The following DLG2 variants were observed in gnomAD, a reference collection of about 807,000 sequenced individuals.
The protein encoded by DLG2 is disks large homolog 2.
DLG2 carries 45 observed loss-of-function variants against 132.5 expected under a neutral mutation model. The ratio of observed to expected loss-of-function variants is 0.34; its 90% CI spans 0.27 to 0.44. DLG2 has a LOEUF of 0.44. DLG2 is among the 20% of genes least tolerant of loss of function. DLG2 has a pLI of 1.00. For synonymous variants in DLG2, 424 were observed against 419.6 expected (o/e 1.01, Z -0.13); for missense variants, 1,045 against 1,196.9 (o/e 0.87, Z 1.87).
chr11:84,058,297 A>G (rs1355735387), intron 11 of DLG2, among the ~76,000 whole-genome samples: 2 of 152,020 alleles, frequency 1.3e-5, no homozygotes, highest in African/African-American at 4.8e-5. Flanking sequence ...CCAAAACATT[A>G]AATACTATTA....
At chr11:85,161,393 G>A (rs1480670637) in intron 4 of DLG2, among the ~76,000 whole-genome samples, 3 of 152,152 alleles carry the variant, frequency 2.0e-5, no homozygotes, top group African/African-American at 7.2e-5. Context: ...CAATTTGCCA[G>A]CAGCAGAGAC....
rs916601657 is a variant in DLG2 at position 83,753,864 on chromosome 11, T to A, written c.1825+32826A>T. 3.2e-3 allele frequency among the ~76,000 whole-genome samples: 34 copies of A among 10,594 alleles called. No homozygotes were observed. In the African/African-American group the frequency reaches 0.036, roughly 11 times the overall value. The allele number at this position is 10,594 out of a possible 152,430, so 7.0% of individuals were successfully genotyped here. ...TATATCATATATATCATATATATAT[T>A]TCATATATATGATATATATCATATA... On this transcript the variant is annotated intron_variant, in intron 18 of 27. Coordinates refer to ENST00000376104, the MANE Select transcript of DLG2 (RefSeq NM_001142699.3).
intron 7 of DLG2, among the ~76,000 whole-genome samples, chr11:84,452,985 T>C (rs971052789): frequency 2.0e-5 from 3 of 151,654 alleles, no homozygotes; most frequent in Non-Finnish European, 4.4e-5. Context: ...ATTATAGGTA[T>C]TCCAATCACC....
At chr11:85,077,949 G>A (rs975761048) in intron 6 of DLG2, among the ~76,000 whole-genome samples, 4 of 127,536 alleles carry the variant, frequency 3.1e-5, no homozygotes, top group Non-Finnish European at 7.0e-5. Context: ...CCAAGAAGCT[G>A]TAAATGCTAA....
chr11:85,369,526 T>G (rs147248523), intron 3 of DLG2, among the ~76,000 whole-genome samples: 1 of 152,294 alleles, frequency 6.6e-6, no homozygotes, highest in Non-Finnish European at 1.5e-5. Flanking sequence ...CTATCACTGT[T>G]TGTACTCTCT....
chr11:84,859,363 TGTATATATAC>T, intron 6 of DLG2, among the ~76,000 whole-genome samples: 1 of 146,244 alleles, frequency 6.8e-6, no homozygotes, highest in East Asian at 2.0e-4. Flanking sequence ...TAAACATATA[TGTATATATAC>T]ACATATATAT....
intron 6 of DLG2, among the ~76,000 whole-genome samples, chr11:84,537,528 C>A (rs1207864277): frequency 6.6e-6 from 1 of 152,044 alleles, no homozygotes; most frequent in Non-Finnish European, 1.5e-5. Context: ...AAAATTTTGA[C>A]CATTTTAACC....
chr11:84,338,267 G>A (rs1421245565), intron 7 of DLG2, among the ~76,000 whole-genome samples: 1 of 151,992 alleles, frequency 6.6e-6, no homozygotes, highest in Non-Finnish European at 1.5e-5. Context: ...AACATCTACC[G>A]AGATTCCAAC....
At chr11:83,656,867 T>C (rs958334151) in intron 18 of DLG2, among the ~76,000 whole-genome samples, 2 of 152,122 alleles carry the variant, frequency 1.3e-5, no homozygotes, top group Admixed American at 6.5e-5. Flanking sequence ...GAGGCCAACA[T>C]CTCCCTTTCC....
At chr11:83,708,805 G>C (rs143915894) in intron 18 of DLG2, among the ~76,000 whole-genome samples, 44 of 152,158 alleles carry the variant, frequency 2.9e-4, no homozygotes, top group East Asian at 2.7e-3. Flanking sequence ...AAGAAACTGG[G>C]GGATAGAAGA....
At chr11:84,070,682 T>C (rs963385199) in intron 10 of DLG2, among the ~76,000 whole-genome samples, 1 of 152,202 alleles carries the variant, frequency 6.6e-6, no homozygotes, top group African/African-American at 2.4e-5. Flanking sequence ...ACAAGGAGCA[T>C]GGCATGGTGG....
At chr11:84,059,824 A>G (rs1206966998) in intron 10 of DLG2, among the ~76,000 whole-genome samples, 2 of 152,186 alleles carry the variant, frequency 1.3e-5, no homozygotes, top group Non-Finnish European at 1.5e-5. Context: ...AATTGGTTTG[A>G]CTGAAAGTTA....
chr11:83,640,938 G>T (rs568321769), intron 18 of DLG2, among the ~76,000 whole-genome samples: 1 of 152,270 alleles, frequency 6.6e-6, no homozygotes, highest in Admixed American at 6.5e-5. Context: ...CTGGATTTGA[G>T]TCCTGGCTCT....
At chr11:83,986,395 T>G (rs1335551374) in intron 11 of DLG2, among the ~76,000 whole-genome samples, 1 of 151,756 alleles carries the variant, frequency 6.6e-6, no homozygotes, top group Non-Finnish European at 1.5e-5. Context: ...GAACTCATCA[T>G]TTTTTATGGC....
intron 18 of DLG2, among the ~76,000 whole-genome samples, chr11:83,755,255 A>T (rs562010568): frequency 1.3e-5 from 2 of 151,416 alleles, no homozygotes; most frequent in African/African-American, 4.9e-5. Context: ...CAGATTATAC[A>T]CTTGAATGAC....
chr11:85,383,926 C>T lies in DLG2; in HGVS notation c.41-98561G>A, dbSNP rs192956008. ...TGCTCCACCTATTTGGAGTGCCCTT[C>T]TCCCCTACAGAAATATCTGAACTAT... On this transcript the variant is annotated intron_variant, in intron 3 of 27. Transcript: ENST00000376104. 2.7e-4 allele frequency among the ~76,000 whole-genome samples: 41 copies of T among 152,276 alleles called. No homozygotes were observed. In the East Asian group the frequency reaches 5.8e-3, roughly 22 times the overall value.
chr11:84,062,438 C>G (rs12577433), intron 10 of DLG2, among the ~76,000 whole-genome samples: 123,263 of 152,142 alleles, frequency 0.81, 50,760 homozygotes, highest in Middle Eastern at 0.93. Context: ...TACCATAGAT[C>G]TGAAAGTTCT....
chr11:84,667,475 T>G lies in DLG2; in HGVS notation c.358-132744A>C, dbSNP rs573764490. On this transcript the variant is annotated intron_variant, in intron 6 of 27. Transcript: ENST00000376104. ...GATAGAACATTGATTCAAGTTTTTT[T>G]TTGTTTTTGTTTTTTGTTTTTTGTT... Among the ~76,000 whole-genome samples the G allele has an allele frequency of 7.1e-3, 930 of 130,994 alleles. 10 individuals are homozygous for G. Among genetic ancestry groups the G allele is most frequent in the African/African-American group, 0.025 (870 of 34,486 alleles). 85.9% of individuals were successfully genotyped at this position (130,994 alleles called of 152,430 possible).
intron 8 of DLG2, among the ~76,000 whole-genome samples, chr11:84,194,324 G>A (rs1017094013): frequency 5.9e-5 from 9 of 152,078 alleles, no homozygotes; most frequent in Admixed American, 3.3e-4. Context: ...TGTTCCTTCA[G>A]GTGTTCAGAT....
Sources: gnomAD v4.1 joint callset for allele counts (sites outside exome capture counted in the v4.1 genomes callset) on GRCh38, gnomAD v4.1.1 for gene constraint, MANE v1.5 for transcripts, NCBI Gene and HGNC (gene_info 2026-07-23, HGNC 2026-07-21) for gene names.